ERI1: variants seen among roughly 807,000 people sequenced by gnomAD.
The protein encoded by ERI1 is exoribonuclease 1.
A neutral mutation model predicts 39.7 loss-of-function variants in ERI1; 39 were observed. The ratio of observed to expected loss-of-function variants is 0.98; its 90% CI spans 0.76 to 1.28. The LOEUF (loss-of-function observed/expected upper bound fraction) is 1.28. Ranked by LOEUF, ERI1 falls within the 50% of genes most tolerant of loss-of-function variation. The probability of loss-of-function intolerance (pLI) is 0.00; values close to 1 mark genes in which losing one functional copy is unlikely to be tolerated. For synonymous variants in ERI1, 204 were observed against 149.6 expected, an observed-to-expected ratio of 1.36 and a Z score of -2.65; for missense variants, 581 against 416.9, an observed-to-expected ratio of 1.39 and a Z score of -3.43.
At chr8:9,027,875 C>T (rs1293790166) in intron 6 of ERI1, among the ~76,000 whole-genome samples, 2 of 152,180 alleles carry the variant, frequency 1.3e-5, no homozygotes, top group African/African-American at 2.4e-5. Flanking sequence ...CTTGTGTTAA[C>T]ATTATTTTTT....
intron 3 of ERI1, among the ~76,000 whole-genome samples, chr8:9,042,022 C>T (rs1487081820): frequency 6.6e-6 from 1 of 152,182 alleles, no homozygotes; most frequent in African/African-American, 2.4e-5. Context: ...GCATGAGCCA[C>T]CGCACCCAGC....
intron 1 of ERI1, among the ~76,000 whole-genome samples, chr8:9,006,284 A>C (rs1323903012): frequency 6.6e-6 from 1 of 152,190 alleles, no homozygotes; most frequent in Non-Finnish European, 1.5e-5. Flanking sequence ...GAAGGAAGAG[A>C]ACTAGAGCTG....
At chr8:9,004,261 C>T in intron 1 of ERI1, 1 of 1,190,622 alleles carries the variant, frequency 8.4e-7, no homozygotes, top group Non-Finnish European at 1.1e-6. Context: ...CACCTGCCTC[C>T]CTCTTCAGCC....
chr8:9,045,612 C>T (rs1447607019), intron 3 of ERI1, among the ~76,000 whole-genome samples: 1 of 151,600 alleles, frequency 6.6e-6, no homozygotes, highest in Admixed American at 6.6e-5. Context: ...GCCTGGGTAA[C>T]ATAGCAAGAC....
At position 9,012,790 on chromosome 8, in the gene ERI1, A is replaced by G. The variant is rs183895422; in HGVS notation, c.498+1038A>G. ...TCACACTGTGTAAAAACTTCATCCC[A>G]CTTCACTGCCAGCTACTGCATTTCT... On this transcript the variant is annotated intron_variant, in intron 3 of 6. Transcript: ENST00000250263. Among the ~76,000 whole-genome samples the G allele has an allele frequency of 3.8e-3, 584 of 152,272 alleles. 2 individuals are homozygous for G. Among genetic ancestry groups the G allele is most frequent in the Non-Finnish European group, 6.6e-3 (450 of 68,010 alleles).
chr8:9,083,730 A>G (rs1799437971), intron 3 of ERI1, among the ~76,000 whole-genome samples: 1 of 151,658 alleles, frequency 6.6e-6, no homozygotes, highest in African/African-American at 2.4e-5. Context: ...GAGGTGGGAG[A>G]ATTGCTTGAA....
At chr8:9,065,116 A>T (rs555565107) in intron 3 of ERI1, among the ~76,000 whole-genome samples, 1 of 152,270 alleles carries the variant, frequency 6.6e-6, no homozygotes, top group South Asian at 2.1e-4. Flanking sequence ...TCATTAGTTA[A>T]GGCAGGAACC....
At chr8:9,023,678 G>C (rs1314945260) in intron 6 of ERI1, among the ~76,000 whole-genome samples, 1 of 139,994 alleles carries the variant, frequency 7.1e-6, no homozygotes, top group Non-Finnish European at 1.5e-5. Flanking sequence ...TTCTTTTTTT[G>C]TACCTTATCT....
chr8:9,075,665 C>T (rs1029958134), intron 3 of ERI1, among the ~76,000 whole-genome samples: 2 of 151,986 alleles, frequency 1.3e-5, no homozygotes, highest in African/African-American at 4.8e-5. Flanking sequence ...GGTGTGCACA[C>T]ATCAACCACA....
At chr8:9,003,845 T>C (rs1815648611) in intron 1 of ERI1, among the ~76,000 whole-genome samples, 1 of 152,238 alleles carries the variant, frequency 6.6e-6, no homozygotes. Flanking sequence ...ATAATAAACA[T>C]GTTGAACACT....
At chr8:9,087,538 G>A (rs1024685752) in intron 3 of ERI1, among the ~76,000 whole-genome samples, 2 of 149,772 alleles carry the variant, frequency 1.3e-5, no homozygotes, top group Non-Finnish European at 2.9e-5. Context: ...TTACAGGCTT[G>A]AGCCACTGCA....
chr8:9,056,247 G>A (rs998018416), intron 3 of ERI1, among the ~76,000 whole-genome samples: 2 of 152,170 alleles, frequency 1.3e-5, no homozygotes, highest in Middle Eastern at 3.2e-3. Flanking sequence ...CAGCTGGATG[G>A]GGCACTCCCT....
chr8:9,019,544 CAA>C (rs1303334488), intron 5 of ERI1, among the ~76,000 whole-genome samples: 4 of 152,096 alleles, frequency 2.6e-5, no homozygotes, highest in East Asian at 1.9e-4. Context: ...AATTTTGTAA[CAA>C]GAGCACTAAC....
At chr8:9,028,316 G>C (rs1406688074) in intron 6 of ERI1, among the ~76,000 whole-genome samples, 1 of 152,134 alleles carries the variant, frequency 6.6e-6, no homozygotes, top group Non-Finnish European at 1.5e-5. Flanking sequence ...TGTATTTCCA[G>C]GAATTTGTCT....
At chr8:9,050,092 C>A (rs1798308721) in intron 3 of ERI1, among the ~76,000 whole-genome samples, 1 of 151,924 alleles carries the variant, frequency 6.6e-6, no homozygotes, top group African/African-American at 2.4e-5. Flanking sequence ...CTATACCCCT[C>A]ACAGTGATGT....
At chr8:9,094,390 A>G (rs1563102197) in intron 3 of ERI1, among the ~76,000 whole-genome samples, 2 of 152,106 alleles carry the variant, frequency 1.3e-5, no homozygotes, top group Admixed American at 6.6e-5. Context: ...TTGCCTCGCA[A>G]TCCCTCTCTC....
intron 3 of ERI1, among the ~76,000 whole-genome samples, chr8:9,053,665 C>T (rs1296972877): frequency 1.3e-5 from 2 of 152,154 alleles, no homozygotes; most frequent in Non-Finnish European, 2.9e-5. Context: ...TGCAGGTAGC[C>T]TGGGGACCCC....
chr8:9,067,775 C>A (rs545001959), intron 3 of ERI1, among the ~76,000 whole-genome samples: 20 of 152,074 alleles, frequency 1.3e-4, no homozygotes, highest in Non-Finnish European at 2.5e-4. Flanking sequence ...TGAATGATTT[C>A]AAGATTACAC....
At chr8:9,049,783 C>T (rs752470016) in intron 3 of ERI1, 1 of 152,100 alleles carries the variant, frequency 6.6e-6, no homozygotes, top group Non-Finnish European at 1.5e-5. Flanking sequence ...TCCCAAAGGC[C>T]GGATGGGATT....
Sources: allele counts gnomAD v4.1 joint callset (sites outside exome capture counted in the v4.1 genomes callset), GRCh38; gene constraint gnomAD v4.1.1; transcripts MANE v1.5; gene names NCBI Gene and HGNC (gene_info 2026-07-23, HGNC 2026-07-21).